The following DLGAP2 variants were observed in gnomAD, a reference collection of about 807,000 sequenced individuals.
The protein encoded by DLGAP2 is disks large-associated protein 2.
DLGAP2 carries 26 observed loss-of-function variants against 100.3 expected under a neutral mutation model. The observed-to-expected ratio is 0.26, with a 90% CI of 0.19 to 0.36. DLGAP2 has a LOEUF of 0.36. Among genes scored for constraint, DLGAP2 ranks in the 10% least tolerant of loss-of-function variants. The pLI, the probability that DLGAP2 is intolerant of heterozygous loss-of-function variation, is 1.00. For missense variants in DLGAP2, 1,858 were observed against 1,453.2 expected (o/e 1.28, Z -4.53); for synonymous variants, 886 against 630.1 (o/e 1.41, Z -6.08).
At chr8:978,952 G>A (rs184366018) in intron 2 of DLGAP2, among the ~76,000 whole-genome samples, 1 of 152,166 alleles carries the variant, frequency 6.6e-6, no homozygotes, top group African/African-American at 2.4e-5. Flanking sequence ...ACGAGTTTAG[G>A]GTTTGCTGGT....
At chr8:1,506,015 A>C (rs1002212828) in intron 4 of DLGAP2, among the ~76,000 whole-genome samples, 1 of 152,250 alleles carries the variant, frequency 6.6e-6, no homozygotes, top group Non-Finnish European at 1.5e-5. Context: ...GAAAATGTAC[A>C]CACTGTGTAA....
chr8:1,577,228 C>T (rs1028799414), intron 6 of DLGAP2, among the ~76,000 whole-genome samples: 115 of 152,068 alleles, frequency 7.6e-4, no homozygotes, highest in African/African-American at 2.5e-3. Context: ...AATCACAACA[C>T]ACTTTTTAAC....
chr8:1,415,345 G>A (rs759921852), intron 3 of DLGAP2, among the ~76,000 whole-genome samples: 5 of 152,066 alleles, frequency 3.3e-5, no homozygotes, highest in Non-Finnish European at 5.9e-5. Context: ...CCGGGGGTAC[G>A]TTGGCAAGTT....
At chr8:1,119,854 A>G (rs1434345367) in intron 2 of DLGAP2, among the ~76,000 whole-genome samples, 1 of 152,224 alleles carries the variant, frequency 6.6e-6, no homozygotes, top group Non-Finnish European at 1.5e-5. Flanking sequence ...TAAATAAAAT[A>G]CAGTGAATGG....
intron 4 of DLGAP2, among the ~76,000 whole-genome samples, chr8:1,508,103 C>A (rs1324378557): frequency 6.6e-6 from 1 of 151,930 alleles, no homozygotes; most frequent in Non-Finnish European, 1.5e-5. Context: ...TTTATTTCCA[C>A]ACAAACACAT....
intron 2 of DLGAP2, among the ~76,000 whole-genome samples, chr8:1,161,979 C>T (rs1415097398): frequency 6.6e-6 from 1 of 152,242 alleles, no homozygotes; most frequent in African/African-American, 2.4e-5. Context: ...GAGGGCCTTC[C>T]TGCTAGAATG....
chr8:843,454 G>A (rs540492795), intron 1 of DLGAP2, among the ~76,000 whole-genome samples: 32 of 152,230 alleles, frequency 2.1e-4, no homozygotes, highest in Non-Finnish European at 4.6e-4. Flanking sequence ...ATCCCCTTCC[G>A]GCTTTGGGGC....
At chr8:1,245,783 A>C (rs1201105514) in intron 2 of DLGAP2, among the ~76,000 whole-genome samples, 1 of 152,184 alleles carries the variant, frequency 6.6e-6, no homozygotes, top group Non-Finnish European at 1.5e-5. Flanking sequence ...AAAGCAATGA[A>C]GAACAGTTTT....
intron 10 of DLGAP2, among the ~76,000 whole-genome samples, chr8:1,671,774 G>C (rs896266753): frequency 6.6e-6 from 1 of 152,212 alleles, no homozygotes; most frequent in African/African-American, 2.4e-5. Context: ...CCGGCCACCT[G>C]AGTCTGGCCC....
chr8:1,349,367 G>C (rs199736797), intron 3 of DLGAP2, among the ~76,000 whole-genome samples: 3,775 of 28,506 alleles, frequency 0.13, no homozygotes, highest in East Asian at 0.25. Flanking sequence ...CGTGAGCCTC[G>C]TGCCCACATC....
chr8:1,457,280 C>T (rs998276658), intron 3 of DLGAP2, among the ~76,000 whole-genome samples: 5 of 152,104 alleles, frequency 3.3e-5, no homozygotes, highest in African/African-American at 7.2e-5. Context: ...AATTCATCGA[C>T]GTGTTCGATG....
intron 3 of DLGAP2, among the ~76,000 whole-genome samples, chr8:1,418,330 A>C (rs890877028): frequency 1.3e-5 from 2 of 152,252 alleles, no homozygotes; most frequent in South Asian, 4.1e-4. Context: ...CTCAAACATG[A>C]AAATATTCAA....
intron 1 of DLGAP2, among the ~76,000 whole-genome samples, chr8:744,008 T>C (rs1820551379): frequency 6.6e-6 from 1 of 152,220 alleles, no homozygotes; most frequent in Non-Finnish European, 1.5e-5. Flanking sequence ...TCACGTGCCT[T>C]CACGTTTCCT....
At chr8:1,658,758 C>A (rs759253220) in intron 8 of DLGAP2, among the ~76,000 whole-genome samples, 1 of 152,064 alleles carries the variant, frequency 6.6e-6, no homozygotes, top group Non-Finnish European at 1.5e-5. Flanking sequence ...GTCTGGCTAC[C>A]GGTCCATGTA....
rs1563164866 is a variant in DLGAP2, at chr8:1,464,300, G to GTCCAGGACA, written c.107-37066_107-37065insTCCAGGACA. On this transcript the variant is annotated intron_variant, in intron 3 of 14. Coordinates refer to ENST00000637795, the MANE Select transcript of DLGAP2 (RefSeq NM_001346810.2). Reference sequence around the variant, plus strand: ...TTCCAGGACAACGCCCTTCCAGGATGGCACCCTTCCAGGACAACGCCCTTC... The same window carrying GTCCAGGACA: ...TTCCAGGACAACGCCCTTCCAGGATGTCCAGGACAGCACCCTTCCAGGACAACGCCCTTC... 2.5e-4 allele frequency among the ~76,000 whole-genome samples: 9 copies of GTCCAGGACA among 36,580 alleles called. 2 individuals are homozygous for GTCCAGGACA. Among genetic ancestry groups the GTCCAGGACA allele is most frequent in the East Asian group, 8.1e-3 (2 of 246 alleles). The allele number at this position is 36,580 out of a possible 152,430, so 24.0% of individuals were successfully genotyped here. A position where few individuals can be genotyped will look rare whatever the true frequency, so the allele number is the denominator to read the frequency against.
intron 3 of DLGAP2, among the ~76,000 whole-genome samples, chr8:1,427,619 G>A (rs748138990): frequency 6.6e-6 from 1 of 152,154 alleles, no homozygotes; most frequent in African/African-American, 2.4e-5. Context: ...TTGAATTTTG[G>A]GGGTGGGTCT....
chr8:1,684,527 T>C (rs377125819), intron 12 of DLGAP2, among the ~76,000 whole-genome samples: 2 of 152,228 alleles, frequency 1.3e-5, no homozygotes, highest in African/African-American at 4.8e-5. Context: ...TTATATGAAG[T>C]AATTTTTGCC....
chr8:1,035,279 C>T (rs139915096), intron 2 of DLGAP2, among the ~76,000 whole-genome samples: 16 of 36 alleles, frequency 0.44, no homozygotes, highest in Admixed American at 0.5. Context: ...CCCGACCCTG[C>T]GTGTCACCGC....
chr8:1,124,941 C>G (rs1425375199), intron 2 of DLGAP2, among the ~76,000 whole-genome samples: 3 of 152,214 alleles, frequency 2.0e-5, no homozygotes, highest in Non-Finnish European at 4.4e-5. Context: ...GAGGAGGCAT[C>G]GTCCCCCTCA....
Sources: gnomAD v4.1 joint callset for allele counts (sites outside exome capture counted in the v4.1 genomes callset) on GRCh38, gnomAD v4.1.1 for gene constraint, MANE v1.5 for transcripts, NCBI Gene and HGNC (gene_info 2026-07-23, HGNC 2026-07-21) for gene names.